The following CDH19 variants were observed in gnomAD, a reference collection of about 807,000 sequenced individuals.
CDH19 encodes cadherin 19, also known as cadherin-19.
In CDH19, 67 loss-of-function variants were observed where a neutral mutation model predicts 64.2. That is an observed-to-expected ratio of 1.04 (90% CI 0.86 to 1.28). The LOEUF is 1.28. Ranked by LOEUF, CDH19 falls within the 50% of genes most tolerant of loss-of-function variation. The pLI is 0.00. For missense variants in CDH19, 1,030 were observed against 929.0 expected, an observed-to-expected ratio of 1.11 and a Z score of -1.41; for synonymous variants, 346 against 319.3, an observed-to-expected ratio of 1.08 and a Z score of -0.89.
At position 66,572,195 on chromosome 18, in the gene CDH19, A is replaced by T. The variant is rs757657626; in HGVS notation, c.10T>A (p.Tyr4Asn). 7 of 1,610,022 alleles carry T rather than the reference A, an allele frequency of 4.3e-6. No individual in the cohort carries two copies. In the East Asian group the frequency reaches 1.6e-4, roughly 36 times the overall value. Reference sequence around the variant, plus strand: ...CCCAACATAAAACGCAGCAGTAAATAACAGTTCATTGCGTTGACTCTTTTG... The same window carrying T: ...CCCAACATAAAACGCAGCAGTAAATTACAGTTCATTGCGTTGACTCTTTTG... The part of the protein sequence containing the change: MNC[Y>N]LLLRFMLGIP... Residue 4 changes from tyrosine to asparagine, a missense_variant, in exon 2 of 12, where the codon TAT becomes AAT. Transcript: ENST00000262150.
At chr18:66,565,063 T>C (rs1342636265) in intron 3 of CDH19, among the ~76,000 whole-genome samples, 5 of 151,934 alleles carry the variant, frequency 3.3e-5, no homozygotes, top group African/African-American at 1.2e-4. Context: ...TCCACCCATG[T>C]ACTCACTCAT....
intron 9 of CDH19, among the ~76,000 whole-genome samples, chr18:66,520,639 A>C (rs8086369): frequency 0.02 from 3,016 of 152,110 alleles, 91 homozygotes; most frequent in African/African-American, 0.068. Flanking sequence ...TACCCATTCT[A>C]CCTATTAATA....
intron 9 of CDH19, among the ~76,000 whole-genome samples, chr18:66,514,147 T>C (rs979139901): frequency 1.3e-5 from 2 of 151,498 alleles, no homozygotes; most frequent in East Asian, 3.9e-4. Context: ...GGTAAGTAAA[T>C]TGGCTGGGCC....
At chr18:66,596,392 T>C (rs1197770356) in intron 1 of CDH19, 1 of 152,166 alleles carries the variant, frequency 6.6e-6, no homozygotes, top group Non-Finnish European at 1.5e-5. Flanking sequence ...ACAGATAATA[T>C]GATTCTATAC....
At chr18:66,603,847 T>A (rs538241231) in intron 1 of CDH19, 107 bp downstream of exon 1, 60 of 152,246 alleles carry the variant, frequency 3.9e-4, no homozygotes, top group African/African-American at 1.3e-3. Context: ...TTCCTTAATA[T>A]TTTTAGAATA....
At chr18:66,540,617 G>A (rs1986851331) in intron 7 of CDH19, among the ~76,000 whole-genome samples, 1 of 152,074 alleles carries the variant, frequency 6.6e-6, no homozygotes, top group Non-Finnish European at 1.5e-5. Flanking sequence ...CAGCCAGAGA[G>A]AGGCTTGAGA....
Position 66,572,283 on chromosome 18 carries a change from T to A in CDH19, c.-79A>T. On this transcript the variant is annotated 5_prime_UTR_variant, in exon 2 of 12. Coordinates refer to ENST00000262150, the MANE Select transcript of CDH19 (RefSeq NM_021153.4). ...CTAACAAAAATCTTGCTTTCTTTTA[T>A]AATCTTTTCTGATTCTGTGTACCTT... 1 of 1,124,730 alleles carries A rather than the reference T, an allele frequency of 8.9e-7. No individual in the cohort carries two copies. The highest frequency in any genetic ancestry group is 1.3e-6 in the Non-Finnish European group (1 of 784,556). The allele number at this position is 1,124,730 out of a possible 1,614,324, so 69.7% of individuals were successfully genotyped here.
intron 9 of CDH19, among the ~76,000 whole-genome samples, chr18:66,513,380 A>G (rs774298289): frequency 6.6e-6 from 1 of 151,500 alleles, no homozygotes; most frequent in Non-Finnish European, 1.5e-5. Flanking sequence ...GTCTCCACTT[A>G]TATTTGCTTT....
intron 3 of CDH19, among the ~76,000 whole-genome samples, chr18:66,567,754 A>T (rs574049129): frequency 1.3e-5 from 2 of 151,838 alleles, no homozygotes; most frequent in East Asian, 1.9e-4. Flanking sequence ...TGCTACAAAA[A>T]TTTTTTGAGT....
Position 66,502,502 on chromosome 18 carries a change from C to T in CDH19, c.*2310G>A, listed in dbSNP as rs1001853108. On this transcript the variant is annotated 3_prime_UTR_variant, in exon 12 of 12. Transcript: ENST00000262150. ...CGTCATCTCCAGAAAGCCTTATTTA[C>T]TTTTTCTCGTCTATTTTCCATGAAT... is the stretch of plus-strand genomic sequence containing the variant. 6.6e-6 allele frequency: 1 copy of T among 151,924 alleles called. No individual in the cohort carries two copies. The highest frequency in any genetic ancestry group is 1.5e-5 in the Non-Finnish European group (1 of 67,894). 9.4% of individuals were successfully genotyped at this position (151,924 alleles called of 1,614,324 possible).
chr18:66,521,774 C>A (rs930905821), intron 9 of CDH19, among the ~76,000 whole-genome samples: 3 of 151,958 alleles, frequency 2.0e-5, no homozygotes, highest in Non-Finnish European at 2.9e-5. Context: ...GTCTTGAACT[C>A]CTGGACTTGA....
At position 66,592,657 on chromosome 18, in the gene CDH19, C is replaced by T. The variant is rs145302276; in HGVS notation, c.-113+11297G>A. 3.4e-3 allele frequency among the ~76,000 whole-genome samples: 510 copies of T among 151,868 alleles called. 1 individual carries two copies. Among genetic ancestry groups the T allele is most frequent in the African/African-American group, 0.011 (469 of 41,520 alleles). On this transcript the variant is annotated intron_variant, in intron 1 of 11. Coordinates refer to ENST00000262150, the MANE Select transcript of CDH19 (RefSeq NM_021153.4). Reference sequence around the variant, plus strand: ...GCAGTGTTTATCTTTCTGTGCCTGACCTATTTCACTTAAAGTAATGCAGTC... The same window carrying T: ...GCAGTGTTTATCTTTCTGTGCCTGATCTATTTCACTTAAAGTAATGCAGTC...
intron 3 of CDH19, among the ~76,000 whole-genome samples, chr18:66,562,516 C>T (rs1216751363): frequency 1.3e-5 from 2 of 151,954 alleles, no homozygotes; most frequent in African/African-American, 4.8e-5. Context: ...CTTTTGCCTG[C>T]TGCTCACCTC....
chr18:66,539,913 T>G (rs965448411), intron 7 of CDH19, among the ~76,000 whole-genome samples: 13 of 152,140 alleles, frequency 8.5e-5, no homozygotes, highest in African/African-American at 2.9e-4. Flanking sequence ...TGTGTGTGTA[T>G]GCTAAGGTTA....
intron 10 of CDH19, among the ~76,000 whole-genome samples, chr18:66,509,603 T>G (rs1286481538): frequency 6.6e-6 from 1 of 151,794 alleles, no homozygotes; most frequent in Non-Finnish European, 1.5e-5. Flanking sequence ...AAAACATACG[T>G]GTAACACAGA....
chr18:66,574,449 T>C (rs973157827), intron 1 of CDH19, among the ~76,000 whole-genome samples: 3 of 151,370 alleles, frequency 2.0e-5, no homozygotes, highest in East Asian at 1.9e-4. Flanking sequence ...AATACTACAA[T>C]GTCTGTGATG....
At chr18:66,583,665 C>T (rs1035052400) in intron 1 of CDH19, among the ~76,000 whole-genome samples, 9 of 151,968 alleles carry the variant, frequency 5.9e-5, no homozygotes, top group Admixed American at 5.3e-4. Flanking sequence ...TCACAAATCA[C>T]GTAGACCAAG....
intron 1 of CDH19, among the ~76,000 whole-genome samples, chr18:66,597,791 A>G (rs1393936907): frequency 3.9e-5 from 6 of 152,160 alleles, no homozygotes; most frequent in African/African-American, 1.4e-4. Flanking sequence ...AGATATGAAC[A>G]GAGGCTTCTC....
intron 5 of CDH19, among the ~76,000 whole-genome samples, chr18:66,550,383 G>T (rs531079056): frequency 5.3e-5 from 8 of 152,202 alleles, no homozygotes; most frequent in Admixed American, 3.9e-4. Flanking sequence ...ATTATCTATG[G>T]TTTGCAGAAG....
Sources: gnomAD v4.1 joint callset for allele counts (sites outside exome capture counted in the v4.1 genomes callset) on GRCh38, gnomAD v4.1.1 for gene constraint, MANE v1.5 for transcripts, NCBI Gene and HGNC (gene_info 2026-07-23, HGNC 2026-07-21) for gene names.